MSRA: variants seen among roughly 807,000 people sequenced by gnomAD.
MSRA encodes mitochondrial peptide methionine sulfoxide reductase.
Under a neutral mutation model 31.3 loss-of-function variants are expected in MSRA, and 54 were observed. That is an observed-to-expected ratio of 1.73 (90% CI 1.39 to 2.17). MSRA has a LOEUF of 2.17. Ranked by LOEUF, MSRA falls within the 30% of genes most tolerant of loss-of-function variation. The pLI is 0.00. For missense variants in MSRA, 507 were observed against 300.9 expected, an observed-to-expected ratio of 1.69 and a Z score of -5.07; for synonymous variants, 169 against 116.5, an observed-to-expected ratio of 1.45 and a Z score of -2.90.
At chr8:10,210,923 A>G (rs1304127142) in intron 2 of MSRA, among the ~76,000 whole-genome samples, 3 of 148,886 alleles carry the variant, frequency 2.0e-5, no homozygotes, top group East Asian at 2.0e-4. Flanking sequence ...TTTAGTAGAG[A>G]TGGGGTTTTT....
intron 3 of MSRA, among the ~76,000 whole-genome samples, chr8:10,296,554 A>G (rs1295124649): frequency 6.6e-6 from 1 of 152,240 alleles, no homozygotes; most frequent in Non-Finnish European, 1.5e-5. Context: ...TGTGACTTCT[A>G]TTCCAATTTT....
At chr8:10,132,587 G>T (rs1801976402) in intron 1 of MSRA, among the ~76,000 whole-genome samples, 1 of 152,200 alleles carries the variant, frequency 6.6e-6, no homozygotes, top group South Asian at 2.1e-4. Flanking sequence ...CTGGTTTACA[G>T]GTGGTCACCT....
At chr8:10,149,155 C>T (rs1317213097) in intron 1 of MSRA, among the ~76,000 whole-genome samples, 4 of 149,866 alleles carry the variant, frequency 2.7e-5, no homozygotes, top group Admixed American at 2.7e-4. Flanking sequence ...TAGTTTTGCT[C>T]TCGTCGCCTG....
chr8:10,314,648 T>G (rs899496039), intron 4 of MSRA, among the ~76,000 whole-genome samples: 1 of 152,218 alleles, frequency 6.6e-6, no homozygotes, highest in African/African-American at 2.4e-5. Context: ...ATTCTATTTC[T>G]AGGTATGTAC....
At chr8:10,118,858 A>G (rs1227632581) in intron 1 of MSRA, among the ~76,000 whole-genome samples, 1 of 152,174 alleles carries the variant, frequency 6.6e-6, no homozygotes, top group East Asian at 1.9e-4. Context: ...AACATGTAGG[A>G]TACAGGGGTT....
At chr8:10,221,847 A>G (rs923723270) in intron 2 of MSRA, among the ~76,000 whole-genome samples, 2 of 152,090 alleles carry the variant, frequency 1.3e-5, no homozygotes, top group African/African-American at 4.8e-5. Context: ...AGATTTATGG[A>G]AAAAGTGTCC....
chr8:10,232,343 A>G (rs991783475), intron 2 of MSRA, among the ~76,000 whole-genome samples: 7 of 152,198 alleles, frequency 4.6e-5, no homozygotes, highest in African/African-American at 9.6e-5. Flanking sequence ...TACCCTTAGT[A>G]GGCAGAGGTG....
intron 5 of MSRA, among the ~76,000 whole-genome samples, chr8:10,350,783 G>C (rs568921447): frequency 6.6e-6 from 1 of 152,246 alleles, no homozygotes; most frequent in East Asian, 1.9e-4. Flanking sequence ...TTACCCCCGA[G>C]GCCTCGCGCC....
chr8:10,307,329 A>C (rs1801195101), intron 4 of MSRA, among the ~76,000 whole-genome samples: 3 of 151,894 alleles, frequency 2.0e-5, no homozygotes, highest in Non-Finnish European at 4.4e-5. Context: ...ACCATGCCCA[A>C]CTTATTTTTT....
intron 1 of MSRA, among the ~76,000 whole-genome samples, chr8:10,120,926 A>T (rs1356867842): frequency 6.6e-6 from 1 of 152,160 alleles, no homozygotes; most frequent in Non-Finnish European, 1.5e-5. Flanking sequence ...ATTTTATGTC[A>T]GTTGTTAGTA....
Position 10,301,547 on chromosome 8 carries a change from T to C in MSRA, c.345T>C (p.His115=), listed in dbSNP as rs1270059667. 5 of 1,613,456 alleles carry C rather than the reference T, an allele frequency of 3.1e-6. No individual in the cohort carries two copies. The highest frequency in any genetic ancestry group is 4.2e-6 in the Non-Finnish European group (5 of 1,179,876). ...YKEVCSEKTG[H]AEVVRVVYQP... is the part of the protein sequence containing the mutation. Reference sequence around the variant, plus strand: ...GTTTTTTCCAAGAAAAAACTGGCCATGCAGAAGTCGTCCGAGTGGTGTACC... The same window carrying C: ...GTTTTTTCCAAGAAAAAACTGGCCACGCAGAAGTCGTCCGAGTGGTGTACC... The change falls in exon 4 of 6, where the codon CAT becomes CAC. Residue 115 remains histidine (H), a synonymous_variant. Coordinates refer to ENST00000317173, the MANE Select transcript of MSRA (RefSeq NM_012331.5).
chr8:10,059,929 G>T (rs1305556238), intron 1 of MSRA, among the ~76,000 whole-genome samples: 2 of 152,172 alleles, frequency 1.3e-5, no homozygotes, highest in African/African-American at 4.8e-5. Flanking sequence ...TCATGTTTCA[G>T]ACTGGCAGAA....
intron 5 of MSRA, among the ~76,000 whole-genome samples, chr8:10,323,226 G>T (rs377064193): frequency 1.3e-4 from 20 of 152,112 alleles, no homozygotes; most frequent in African/African-American, 4.8e-4. Context: ...CCCCAACCAA[G>T]AACTTAAAAA....
intron 1 of MSRA, among the ~76,000 whole-genome samples, chr8:10,134,586 C>T (rs1484421898): frequency 6.6e-6 from 1 of 152,174 alleles, no homozygotes; most frequent in Non-Finnish European, 1.5e-5. Context: ...GGCACAGGCT[C>T]GAGTCTAAGT....
At chr8:10,302,666 A>G (rs1800910308) in intron 4 of MSRA, among the ~76,000 whole-genome samples, 1 of 152,244 alleles carries the variant, frequency 6.6e-6, no homozygotes, top group South Asian at 2.1e-4. Flanking sequence ...AAGAGCAGCA[A>G]AGTGACAAAC....
At chr8:10,256,142 C>A (rs80125956) in intron 3 of MSRA, among the ~76,000 whole-genome samples, 16 of 152,150 alleles carry the variant, frequency 1.1e-4, no homozygotes, top group South Asian at 4.1e-4. Context: ...ATCCTCCCCC[C>A]CCAACCCCTG....
At chr8:10,416,332 G>T (rs1049991983) in intron 5 of MSRA, among the ~76,000 whole-genome samples, 3 of 152,166 alleles carry the variant, frequency 2.0e-5, no homozygotes, top group South Asian at 2.1e-4. Flanking sequence ...TGCTCGCTTC[G>T]GCTGAACTGT....
chr8:10,219,009 A>T (rs886253266), intron 2 of MSRA, among the ~76,000 whole-genome samples: 1 of 151,744 alleles, frequency 6.6e-6, no homozygotes, highest in African/African-American at 2.4e-5. Context: ...TGACCAGGGG[A>T]TGTGCTGCAG....
At chr8:10,348,129 C>T (rs982638316) in intron 5 of MSRA, among the ~76,000 whole-genome samples, 1 of 152,122 alleles carries the variant, frequency 6.6e-6, no homozygotes, top group Non-Finnish European at 1.5e-5. Context: ...TTCAAACGTG[C>T]AGTTAAGAGT....
Sources: gnomAD v4.1 joint callset for allele counts (sites outside exome capture counted in the v4.1 genomes callset) on GRCh38, gnomAD v4.1.1 for gene constraint, MANE v1.5 for transcripts, NCBI Gene and HGNC (gene_info 2026-07-23, HGNC 2026-07-21) for gene names.